Variants in MICU1 observed in about 807,000 individuals in gnomAD.
MICU1 encodes calcium uptake protein 1, mitochondrial.
Under a neutral mutation model 56.8 loss-of-function variants are expected in MICU1, and 45 were observed. The observed-to-expected ratio is 0.79, with a 90% CI of 0.62 to 1.02. MICU1 has a LOEUF of 1.02. Among genes scored for constraint, MICU1 ranks in the 50% least tolerant of loss-of-function variants. The pLI is 0.00. For missense variants in MICU1, 504 were observed against 587.1 expected (o/e 0.86, Z 1.46); for synonymous variants, 186 against 195.1 (o/e 0.95, Z 0.39).
intron 5 of MICU1, among the ~76,000 whole-genome samples, chr10:72,517,136 C>T (rs181316347): frequency 3.5e-4 from 54 of 152,114 alleles, no homozygotes; most frequent in East Asian, 1.5e-3. Flanking sequence ...CAAATAAATA[C>T]GTCAAAATTT....
intron 10 of MICU1, among the ~76,000 whole-genome samples, chr10:72,392,878 G>A (rs560495969): frequency 6.6e-6 from 1 of 152,390 alleles, no homozygotes; most frequent in Non-Finnish European, 1.5e-5. Context: ...AGGAGTGCTT[G>A]TAAGAGACAG....
At chr10:72,604,197 T>C (rs1481292499) in intron 1 of MICU1, among the ~76,000 whole-genome samples, 2 of 152,054 alleles carry the variant, frequency 1.3e-5, no homozygotes, top group Admixed American at 6.6e-5. Context: ...TCTATATTTA[T>C]ATTCTCTCTA....
chr10:72,380,758 C>T (rs1364123845), intron 10 of MICU1, among the ~76,000 whole-genome samples: 2 of 152,192 alleles, frequency 1.3e-5, no homozygotes, highest in African/African-American at 4.8e-5. Context: ...ACACTGGGTC[C>T]ACATGATCCC....
At chr10:72,500,302 A>ATTT (rs542725786) in intron 6 of MICU1, among the ~76,000 whole-genome samples, 37 of 10,624 alleles carry the variant, frequency 3.5e-3, no homozygotes, top group East Asian at 0.011. Flanking sequence ...ATATATATAT[A>ATTT]TTTTTTTTTT....
At chr10:72,614,195 T>C (rs1214264044) in intron 1 of MICU1, among the ~76,000 whole-genome samples, 1 of 151,750 alleles carries the variant, frequency 6.6e-6, no homozygotes, top group Non-Finnish European at 1.5e-5. Flanking sequence ...CTCATTCAAA[T>C]GGCTATTACT....
rs1207717760 is a variant in MICU1 at position 72,388,799 on chromosome 10, T to G, written c.1181-12927A>C. 2.6e-5 allele frequency among the ~76,000 whole-genome samples: 4 copies of G among 152,328 alleles called. No homozygotes were observed. In the East Asian group the frequency reaches 7.7e-4, roughly 29 times the overall value. On this transcript the variant is annotated intron_variant, in intron 10 of 11. Coordinates refer to ENST00000361114, the MANE Select transcript of MICU1 (RefSeq NM_001195518.2). Reference sequence around the variant, plus strand: ...CTGGATTGTGCTTCAGCAAAGCTTTTCAGACTCTAACAGAATTGTGGAGTA... The same window carrying G: ...CTGGATTGTGCTTCAGCAAAGCTTTGCAGACTCTAACAGAATTGTGGAGTA...
chr10:72,523,957 C>A, intron 5 of MICU1: 1 of 1,357,624 alleles, frequency 7.4e-7, no homozygotes, highest in Non-Finnish European at 9.5e-7. Flanking sequence ...CCATTTGTTT[C>A]CCCTTAAGCC....
At chr10:72,461,962 ACAACAACAAAAAGACTCTGGAGC>A (rs1034806069) in intron 8 of MICU1, among the ~76,000 whole-genome samples, 14 of 152,298 alleles carry the variant, frequency 9.2e-5, no homozygotes, top group African/African-American at 3.1e-4. Flanking sequence ...CAAACAAACA[ACAACAACAAAAAGACTCTGGAGC>A]CAGACTGCCT....
chr10:72,582,783 C>CAA lies in MICU1; in HGVS notation c.-1-15991_-1-15990dup, dbSNP rs35690148. ...TAGATGATAGAGCAAGACCTTGTCT[C>CAA]AAAAAAAAAAAAAAGAACCACTGGG... On this transcript the variant is annotated intron_variant, in intron 1 of 11. Transcript: ENST00000361114. 541 of 139,250 alleles carry CAA rather than the reference C, an allele frequency of 3.9e-3. 3 individuals carry two copies. The highest frequency in any genetic ancestry group is 7.4e-3 in the African/African-American group (281 of 37,910). 8.6% of individuals were successfully genotyped at this position (139,250 alleles called of 1,614,324 possible).
At chr10:72,607,332 ACT>A (rs955864166) in intron 1 of MICU1, among the ~76,000 whole-genome samples, 3 of 139,038 alleles carry the variant, frequency 2.2e-5, no homozygotes, top group African/African-American at 8.2e-5. Context: ...CAAGAGTGAA[ACT>A]CTGTTTCAAA....
intron 8 of MICU1, among the ~76,000 whole-genome samples, chr10:72,430,753 G>A (rs1046121548): frequency 6.6e-6 from 1 of 152,028 alleles, no homozygotes; most frequent in Non-Finnish European, 1.5e-5. Flanking sequence ...TGGAGACGTG[G>A]TTTCACTCCA....
intron 10 of MICU1, among the ~76,000 whole-genome samples, chr10:72,392,524 T>C (rs1554860042): frequency 6.6e-6 from 1 of 151,992 alleles, no homozygotes; most frequent in Non-Finnish European, 1.5e-5. Context: ...TGAGCCAAGA[T>C]TGTACCACTG....
chr10:72,433,622 G>A (rs1251733473), intron 8 of MICU1, among the ~76,000 whole-genome samples: 7 of 151,856 alleles, frequency 4.6e-5, no homozygotes, highest in South Asian at 4.1e-4. Flanking sequence ...TAAAGACAGC[G>A]TTTCACCATG....
chr10:72,623,629 G>C (rs550701288), intron 1 of MICU1, among the ~76,000 whole-genome samples: 1 of 151,984 alleles, frequency 6.6e-6, no homozygotes, highest in African/African-American at 2.4e-5. Flanking sequence ...ACCTGAGGTC[G>C]TCAGGAGTTC....
chr10:72,588,799 A>AAATT (rs1841139787), intron 1 of MICU1, among the ~76,000 whole-genome samples: 1 of 152,184 alleles, frequency 6.6e-6, no homozygotes, highest in Non-Finnish European at 1.5e-5. Flanking sequence ...ATCTCCACCC[A>AAATT]GTTATGACAA....
chr10:72,599,991 GAAAGAA>G (rs1358610874), intron 1 of MICU1, among the ~76,000 whole-genome samples: 1 of 152,130 alleles, frequency 6.6e-6, no homozygotes, highest in Non-Finnish European at 1.5e-5. Flanking sequence ...GAATTGTGAG[GAAAGAA>G]AAAGAAAGTC....
intron 1 of MICU1, among the ~76,000 whole-genome samples, chr10:72,585,994 A>AT (rs1276935862): frequency 1.0e-5 from 1 of 100,204 alleles, no homozygotes; most frequent in Non-Finnish European, 2.1e-5. Context: ...TATTGTTTTT[A>AT]TTTTTTCTTT....
At chr10:72,479,865 T>C (rs1866237180) in intron 6 of MICU1, among the ~76,000 whole-genome samples, 1 of 152,218 alleles carries the variant, frequency 6.6e-6, no homozygotes, top group African/African-American at 2.4e-5. Context: ...TATAAATCTC[T>C]TCAGGTGGAA....
intron 8 of MICU1, among the ~76,000 whole-genome samples, chr10:72,456,734 G>A (rs1487571284): frequency 6.6e-6 from 1 of 151,922 alleles, no homozygotes; most frequent in Non-Finnish European, 1.5e-5. Context: ...TGTCACTCAG[G>A]CTGGTATGCA....
Sources: allele counts gnomAD v4.1 joint callset (sites outside exome capture counted in the v4.1 genomes callset), GRCh38; gene constraint gnomAD v4.1.1; transcripts MANE v1.5; gene names NCBI Gene and HGNC (gene_info 2026-07-23, HGNC 2026-07-21).